The following CXCR6 variants were observed in gnomAD, a reference collection of about 807,000 sequenced individuals.
CXCR6 encodes C-X-C chemokine receptor type 6.
Under a neutral mutation model 1.6 loss-of-function variants are expected in CXCR6, and 3 were observed. The ratio of observed to expected loss-of-function variants is 1.83; its 90% CI spans 0.83 to 4.72. The LOEUF (loss-of-function observed/expected upper bound fraction) is 4.72. CXCR6 is among the 30% of genes most tolerant of loss of function. The pLI, the probability that CXCR6 is intolerant of heterozygous loss-of-function variation, is 0.02. For missense variants in CXCR6, 326 were observed against 414.8 expected (o/e 0.79, Z 1.86); for synonymous variants, 171 against 159.2 (o/e 1.07, Z -0.56).
chr3:45,946,599 G>A lies in CXCR6; in HGVS notation c.118G>A (p.Val40Met), dbSNP rs767536621. ...SKVFLPCMYL[V>M]VFVCGLVGNS... ...GGTCTTTCTGCCCTGCATGTACCTG[G>A]TGGTGTTTGTCTGTGGTCTGGTGGG... The change falls in exon 2 of 2, where the codon GTG becomes ATG. Residue 40 changes from valine (V) to methionine (M), a missense_variant. Val to Met is a conservative substitution (Grantham distance 21). Coordinates refer to ENST00000304552, the MANE Select transcript of CXCR6 (RefSeq NM_006564.2). 3.0e-5 allele frequency: 48 copies of A among 1,614,214 alleles called. 1 individual carries two copies. The South Asian group carries it at 5.2e-4, about 17-fold the overall frequency.
At position 45,947,285 on chromosome 3, in the gene CXCR6, C is replaced by T; in HGVS notation, c.804C>T (p.Tyr268=). The change falls in exon 2 of 2, where the codon TAC becomes TAT. Residue 268 remains tyrosine, a synonymous_variant. Transcript: ENST00000304552. ...ACTATGCCATGACCAGCTTTCACTA[C>T]ACCATCATGGTGACAGAGGCCATCG... The part of the protein sequence containing the change: ...WEYYAMTSFH[Y]TIMVTEAIAY... The T allele has an allele frequency of 6.2e-7, 1 of 1,614,180 alleles. No individual in the cohort carries two copies. The highest frequency in any genetic ancestry group is 8.5e-7 in the Non-Finnish European group (1 of 1,180,050).
At chr3:45,944,796 G>A (rs79046940) in intron 1 of CXCR6, among the ~76,000 whole-genome samples, 24 of 152,290 alleles carry the variant, frequency 1.6e-4, no homozygotes, top group Non-Finnish European at 2.9e-4. Flanking sequence ...AGGCGAGAGC[G>A]AGTCAAGCAA....
upstream of CXCR6, among the ~76,000 whole-genome samples, chr3:45,942,812 G>T (rs1704312722): frequency 6.6e-6 from 1 of 152,236 alleles, no homozygotes; most frequent in African/African-American, 2.4e-5. Context: ...AGCCTACGCA[G>T]GGTGGGTGGG....
upstream of CXCR6, among the ~76,000 whole-genome samples, chr3:45,942,530 C>A (rs1575341056): frequency 1.3e-5 from 2 of 152,240 alleles, no homozygotes; most frequent in East Asian, 1.9e-4. Flanking sequence ...AGAAGGCAGG[C>A]CAGGCACCTC....
chr3:45,946,601 G>A lies in CXCR6; in HGVS notation c.120G>A (p.Val40=). The part of the protein sequence containing the change: ...SKVFLPCMYL[V]VFVCGLVGNS... ...TCTTTCTGCCCTGCATGTACCTGGTGGTGTTTGTCTGTGGTCTGGTGGGGA... is the reference window on the plus strand; with the variant it reads ...TCTTTCTGCCCTGCATGTACCTGGTAGTGTTTGTCTGTGGTCTGGTGGGGA... The change falls in exon 2 of 2, where the codon GTG becomes GTA. Residue 40 remains valine (V), a synonymous_variant. Coordinates refer to ENST00000304552, the MANE Select transcript of CXCR6 (RefSeq NM_006564.2). 2 of 1,614,202 alleles carry A rather than the reference G, an allele frequency of 1.2e-6. No homozygotes were observed. The highest frequency in any genetic ancestry group is 1.3e-5 in the African/African-American group (1 of 75,050).
intron 1 of CXCR6, among the ~76,000 whole-genome samples, chr3:45,944,142 A>C (rs1328411241): frequency 6.6e-6 from 1 of 152,070 alleles, no homozygotes; most frequent in African/African-American, 2.4e-5. Context: ...GAAGGATTCA[A>C]GGGGTTCATG....
intron 1 of CXCR6, among the ~76,000 whole-genome samples, chr3:45,944,811 G>A (rs1704478662): frequency 6.6e-6 from 1 of 152,154 alleles, no homozygotes; most frequent in Non-Finnish European, 1.5e-5. Context: ...AAGCAATAAT[G>A]GGGAGCTGAA....
chr3:45,946,700 A>G lies in CXCR6; in HGVS notation c.219A>G (p.Leu73=). ...QSLTDVFLVN[L]PLADLVFVCT... ...TGACGGATGTGTTCCTGGTGAACCT[A>G]CCCCTGGCTGACCTGGTGTTTGTCT... The change falls in exon 2 of 2, where the codon CTA becomes CTG. Residue 73 remains leucine (L), a synonymous_variant. Coordinates refer to ENST00000304552, the MANE Select transcript of CXCR6 (RefSeq NM_006564.2). 6.2e-7 allele frequency: 1 copy of G among 1,614,070 alleles called. No individual in the cohort carries two copies. Among genetic ancestry groups the G allele is most frequent in the Non-Finnish European group, 8.5e-7 (1 of 1,180,026 alleles).
Position 45,947,668 on chromosome 3 carries a change from A to T in CXCR6, c.*158A>T. ...GGAATGCTTCTTCTCAGGCATGAAC[A>T]TGTACTGTTCTCTTCTTGAACACTC... On this transcript the variant is annotated 3_prime_UTR_variant, in exon 2 of 2. Transcript: ENST00000304552. 1 of 644,488 alleles carries T rather than the reference A, an allele frequency of 1.6e-6. No homozygotes were observed. The highest frequency in any genetic ancestry group is 2.8e-6 in the Non-Finnish European group (1 of 363,170). The allele number at this position is 644,488 out of a possible 1,614,324, so 39.9% of individuals were successfully genotyped here. A position where few individuals can be genotyped will look rare whatever the true frequency, so the allele number is the denominator to read the frequency against.
intron 1 of CXCR6, among the ~76,000 whole-genome samples, chr3:45,943,986 A>G (rs1047379460): frequency 6.6e-6 from 1 of 152,246 alleles, no homozygotes; most frequent in Non-Finnish European, 1.5e-5. Context: ...AAAAAAAGGA[A>G]GAAATAAGTC....
Position 45,947,293 on chromosome 3 carries a change from T to C in CXCR6, c.812T>C (p.Met271Thr). 6.2e-7 allele frequency: 1 copy of C among 1,614,180 alleles called. No homozygotes were observed. The highest frequency in any genetic ancestry group is 8.5e-7 in the Non-Finnish European group (1 of 1,180,044). ...YAMTSFHYTI[M>T]VTEAIAYLRA... Reference sequence around the variant, plus strand: ...ATGACCAGCTTTCACTACACCATCATGGTGACAGAGGCCATCGCATACCTG... The same window carrying C: ...ATGACCAGCTTTCACTACACCATCACGGTGACAGAGGCCATCGCATACCTG... Residue 271 changes from methionine (M) to threonine (T), a missense_variant, in exon 2 of 2, where the codon ATG becomes ACG. Transcript: ENST00000304552.
At chr3:45,942,164 C>CCCCTGG (rs2125814661), upstream of CXCR6, among the ~76,000 whole-genome samples, 1 of 152,312 alleles carries the variant, frequency 6.6e-6, no homozygotes, top group African/African-American at 2.4e-5. Context: ...TTATCAGGGC[C>CCCCTGG]CCCTGGCACA....
At position 45,944,084 on chromosome 3, in the gene CXCR6, C is replaced by T. The variant is rs564794139; in HGVS notation, c.-22+544C>T. 1.5e-4 allele frequency among the ~76,000 whole-genome samples: 23 copies of T among 152,222 alleles called. No individual in the cohort carries two copies. The South Asian group carries it at 2.9e-3, about 19-fold the overall frequency. On this transcript the variant is annotated intron_variant, in intron 1 of 1. Coordinates refer to ENST00000304552, the MANE Select transcript of CXCR6 (RefSeq NM_006564.2). ...CTAAAAGTACGGTCAGTTAAAATCA[C>T]ATAGTTTATCATGAACTCTTATGTG...
chr3:45,946,224 T>C, intron 1 of CXCR6: 1 of 455,010 alleles, frequency 2.2e-6, no homozygotes, highest in South Asian at 3.0e-5. Flanking sequence ...ATGAGTTGTC[T>C]CCCAGATGGG....
rs1704621586 is a variant in CXCR6, at chr3:45,946,573, A to T, written c.92A>T (p.Lys31Met). The T allele has an allele frequency of 6.2e-7, 1 of 1,614,080 alleles. No homozygotes were observed. Among genetic ancestry groups the T allele is most frequent in the African/African-American group, 1.3e-5 (1 of 74,932 alleles). The change falls in exon 2 of 2, where the codon AAG (lysine) becomes ATG (methionine). Residue 31 changes from lysine (K) to methionine (M), a missense_variant. Transcript: ENST00000304552. ...EEHQDFLQFS[K>M]VFLPCMYLVV... ...CATCAAGACTTCCTGCAGTTCAGCAAGGTCTTTCTGCCCTGCATGTACCTG... is the reference window on the plus strand; with the variant it reads ...CATCAAGACTTCCTGCAGTTCAGCATGGTCTTTCTGCCCTGCATGTACCTG...
chr3:45,941,722 G>A (rs926681165), upstream of CXCR6, among the ~76,000 whole-genome samples: 2 of 152,178 alleles, frequency 1.3e-5, no homozygotes, highest in African/African-American at 4.8e-5. Context: ...GGCCCCAGGT[G>A]CTGGCTTGTT....
rs377079657 is a variant in CXCR6 at position 45,947,321 on chromosome 3, G to A, written c.840G>A (p.Arg280=). The change falls in exon 2 of 2, where the codon AGG becomes AGA. Residue 280 remains arginine, a synonymous_variant. Coordinates refer to ENST00000304552, the MANE Select transcript of CXCR6 (RefSeq NM_006564.2). ...IMVTEAIAYL[R]ACLNPVLYAF... is the part of the protein sequence containing the mutation. ...TGACAGAGGCCATCGCATACCTGAGGGCCTGCCTTAACCCTGTGCTCTATG... is the reference window on the plus strand; with the variant it reads ...TGACAGAGGCCATCGCATACCTGAGAGCCTGCCTTAACCCTGTGCTCTATG... The A allele has an allele frequency of 6.2e-6, 10 of 1,614,056 alleles. No homozygotes were observed. The highest frequency in any genetic ancestry group is 8.5e-6 in the Non-Finnish European group (10 of 1,180,044).
At position 45,946,574 on chromosome 3, in the gene CXCR6, G is replaced by C. The variant is rs1473136371; in HGVS notation, c.93G>C (p.Lys31Asn). Residue 31 changes from lysine to asparagine, a missense_variant, in exon 2 of 2, where the codon AAG (lysine) becomes AAC (asparagine). Coordinates refer to ENST00000304552, the MANE Select transcript of CXCR6 (RefSeq NM_006564.2). Reference sequence around the variant, plus strand: ...ATCAAGACTTCCTGCAGTTCAGCAAGGTCTTTCTGCCCTGCATGTACCTGG... The same window carrying C: ...ATCAAGACTTCCTGCAGTTCAGCAACGTCTTTCTGCCCTGCATGTACCTGG... ...EEHQDFLQFS[K>N]VFLPCMYLVV... The C allele has an allele frequency of 6.2e-7, 1 of 1,614,074 alleles. No individual in the cohort carries two copies. Among genetic ancestry groups the C allele is most frequent in the African/African-American group, 1.3e-5 (1 of 74,910 alleles).
chr3:45,946,629 T>G lies in CXCR6; in HGVS notation c.148T>G (p.Ser50Ala). 6.2e-7 allele frequency: 1 copy of G among 1,614,212 alleles called. No individual in the cohort carries two copies. Among genetic ancestry groups the G allele is most frequent in the Non-Finnish European group, 8.5e-7 (1 of 1,180,032 alleles). The change falls in exon 2 of 2, where the codon TCT becomes GCT. Residue 50 changes from serine (S) to alanine (A), a missense_variant. Physicochemically the swap from Ser to Ala is moderately conservative, Grantham distance 99 (BLOSUM62 1). Coordinates refer to ENST00000304552, the MANE Select transcript of CXCR6 (RefSeq NM_006564.2). ...VVFVCGLVGN[S>A]LVLVISIFYH... ...GTTTGTCTGTGGTCTGGTGGGGAAC[T>G]CTCTGGTGCTGGTCATATCCATCTT...
Sources: allele counts gnomAD v4.1 joint callset (sites outside exome capture counted in the v4.1 genomes callset), GRCh38; gene constraint gnomAD v4.1.1; transcripts MANE v1.5; gene names NCBI Gene and HGNC (gene_info 2026-07-23, HGNC 2026-07-21).